DOT1L: variants seen among roughly 807,000 people sequenced by gnomAD.
DOT1L encodes DOT1 like histone lysine methyltransferase.
In DOT1L, 33 loss-of-function variants were observed where a neutral mutation model predicts 153.3. That is an observed-to-expected ratio of 0.22 (90% CI 0.16 to 0.29). DOT1L has a LOEUF of 0.29. DOT1L is among the 10% of genes least tolerant of loss of function. DOT1L has a pLI of 1.00. For synonymous variants in DOT1L, 1,135 were observed against 965.1 expected, an observed-to-expected ratio of 1.18 and a Z score of -3.26; for missense variants, 1,847 against 2,119.9, an observed-to-expected ratio of 0.87 and a Z score of 2.53.
At chr19:2,206,656 C>T (rs1306387138) in intron 9 of DOT1L, 73 bp from the exon 10 acceptor site, 1 of 1,473,732 alleles carries the variant, frequency 6.8e-7, no homozygotes, top group Non-Finnish European at 9.5e-7. Context: ...TGTTCCTTCT[C>T]TGTCACCTTG....
In DOT1L at chr19:2,189,802, G is replaced by A. The variant is rs191141666; in HGVS notation, c.264+7G>A. On this transcript the variant is annotated splice_region_variant and intron_variant, in intron 4 of 27. Transcript: ENST00000398665. ...CGACAGCATCCACCAGCTGGTAGGT[G>A]GCTTGCCCCTGCCCAGAGGGGGTTA... The A allele has an allele frequency of 5.5e-5, 88 of 1,611,842 alleles. No homozygotes were observed. In the East Asian group the frequency reaches 7.4e-4, roughly 13 times the overall value.
chr19:2,212,119 CT>C (rs1408420887), intron 16 of DOT1L: 1 of 389,680 alleles, frequency 2.6e-6, no homozygotes. Flanking sequence ...AACCTTCCCC[CT>C]AGTGCACAGG....
intron 19 of DOT1L, 171 bp downstream of exon 19, chr19:2,214,767 G>A (rs1385389288): frequency 1.3e-5 from 13 of 1,006,026 alleles, no homozygotes; most frequent in Admixed American, 9.1e-5. Flanking sequence ...CAGGCTGCCC[G>A]TGTGGATGAC....
In DOT1L at chr19:2,191,246, T is replaced by C; in HGVS notation, c.493+6T>C. 6.2e-7 allele frequency: 1 copy of C among 1,612,714 alleles called. No individual in the cohort carries two copies. The highest frequency in any genetic ancestry group is 8.5e-7 in the Non-Finnish European group (1 of 1,179,706). On this transcript the variant is annotated splice_donor_region_variant and intron_variant, in intron 5 of 27. Coordinates refer to ENST00000398665, the MANE Select transcript of DOT1L (RefSeq NM_032482.3). This position sits in a 1 kb window ranked among gnomAD's most constrained non-coding sequence, Gnocchi z 6.8. ...GTTTGTGGACTTGGGGAGCGGTGAG[T>C]GTCGCCCGCCATGCCCGGCTCCTGT...
chr19:2,196,223 G>A (rs1256964032), intron 7 of DOT1L, among the ~76,000 whole-genome samples: 2 of 152,254 alleles, frequency 1.3e-5, no homozygotes, highest in Admixed American at 6.5e-5. Flanking sequence ...TGGTGGCCCC[G>A]ACCGGGGTCA....
At chr19:2,169,594 A>G (rs2020051443) in intron 1 of DOT1L, among the ~76,000 whole-genome samples, 1 of 151,988 alleles carries the variant, frequency 6.6e-6, no homozygotes, top group Non-Finnish European at 1.5e-5. Context: ...CCTGGGTTCA[A>G]GTGATTCTCC....
rs1205214708 is a variant in DOT1L at position 2,213,536 on chromosome 19, C to T, written c.1558-3C>T. On this transcript the variant is annotated splice_polypyrimidine_tract_variant and splice_region_variant and intron_variant, in intron 16 of 27. Transcript: ENST00000398665. The stretch of plus-strand genomic sequence containing the variant: ...TTAGTCACCTGCCCTGTTTGTCCTA[C>T]AGGAGAAGAACGCCCAGCTCCTGGG... The T allele has an allele frequency of 1.9e-6, 3 of 1,612,382 alleles. No homozygotes were observed. The highest frequency in any genetic ancestry group is 2.2e-5 in the East Asian group (1 of 44,884).
Position 2,211,751 on chromosome 19 carries a change from A to G in DOT1L, c.1466A>G (p.Glu489Gly). ...PTPPALQKLL[E>G]SFKIQYLQFL... ...ACCTGTGTTCCGCCTCTCTTCCCAGAGTCCTTCAAGATCCAGTACCTGCAG... is the reference window on the plus strand; with the variant it reads ...ACCTGTGTTCCGCCTCTCTTCCCAGGGTCCTTCAAGATCCAGTACCTGCAG... Residue 489 changes from glutamate to glycine, a missense_variant and splice_region_variant, in exon 16 of 28, where the codon GAG becomes GGG. Coordinates refer to ENST00000398665, the MANE Select transcript of DOT1L (RefSeq NM_032482.3). The G allele has an allele frequency of 6.4e-7, 1 of 1,560,918 alleles. No homozygotes were observed. The highest frequency in any genetic ancestry group is 8.7e-7 in the Non-Finnish European group (1 of 1,151,800).
intron 1 of DOT1L, among the ~76,000 whole-genome samples, chr19:2,167,188 T>C (rs922924029): frequency 5.9e-5 from 9 of 152,138 alleles, no homozygotes; most frequent in African/African-American, 2.2e-4. Context: ...TGAAAGTCAG[T>C]GTTCGCGTGG....
chr19:2,229,228 C>T (rs1436961509), intron 27 of DOT1L: 21 of 985,356 alleles, frequency 2.1e-5, no homozygotes, highest in Middle Eastern at 5.2e-4. Context: ...AGACTGTGGC[C>T]GCTGACCCCT....
At position 2,210,761 on chromosome 19, in the gene DOT1L, T is replaced by C; in HGVS notation, c.1257T>C (p.Thr419=). Residue 419 remains threonine (T), a synonymous_variant, in exon 14 of 28, where the codon ACT becomes ACC. Coordinates refer to ENST00000398665, the MANE Select transcript of DOT1L (RefSeq NM_032482.3). ...RKRGRPKKMN[T]ANPERKPKKN... The stretch of plus-strand genomic sequence containing the variant: ...GCGGGCGCCCCAAGAAGATGAACAC[T>C]GCGAACCCCGAGCGGAAGCCCAAGA... 6.2e-7 allele frequency: 1 copy of C among 1,612,988 alleles called. No homozygotes were observed. Among genetic ancestry groups the C allele is most frequent in the African/African-American group, 1.3e-5 (1 of 75,006 alleles).
rs13382139 is a variant in DOT1L at position 2,183,144 on chromosome 19, G to A, written c.125+2388G>A. Reference sequence around the variant, plus strand: ...AGCAAACACCATTCAGTCCCCATACGGCCAGTGTCCCAAGCACGTCCTCCC... The same window carrying A: ...AGCAAACACCATTCAGTCCCCATACAGCCAGTGTCCCAAGCACGTCCTCCC... On this transcript the variant is annotated intron_variant, in intron 2 of 27. Transcript: ENST00000398665. Among the ~76,000 whole-genome samples the A allele has an allele frequency of 6.1e-3, 930 of 152,188 alleles. 10 individuals carry two copies. Among genetic ancestry groups the A allele is most frequent in the African/African-American group, 0.019 (798 of 41,520 alleles).
rs2023401569 is a variant in DOT1L, at chr19:2,204,163, GTGTC to G, written c.787+1388_787+1391del. On this transcript the variant is annotated intron_variant, in intron 9 of 27. Transcript: ENST00000398665. This position sits in a 1 kb window ranked among gnomAD's most constrained non-coding sequence, Gnocchi z 5.7. ...TCTCTGTGTGTGCCCGTGTGCCTGT[GTGTC>G]TGTTAGCGTGTCTCTGTGTGCGTGC... Among the ~76,000 whole-genome samples, 2 of 151,822 alleles carry G rather than the reference GTGTC, an allele frequency of 1.3e-5. No homozygotes were observed. The highest frequency in any genetic ancestry group is 2.1e-4 in the South Asian group (1 of 4,792).
chr19:2,195,226 C>T (rs2022966088), intron 7 of DOT1L, among the ~76,000 whole-genome samples: 1 of 151,992 alleles, frequency 6.6e-6, no homozygotes, highest in African/African-American at 2.4e-5. Context: ...CCATAGCTTC[C>T]AGGAGTAGCC....
chr19:2,206,377 G>A (rs975062481), intron 9 of DOT1L, among the ~76,000 whole-genome samples: 25 of 152,044 alleles, frequency 1.6e-4, no homozygotes, highest in African/African-American at 6.0e-4. Context: ...GGCCAGCAGG[G>A]TGAAACCCGC....
chr19:2,223,537 G>C, intron 25 of DOT1L, 51 bp downstream of exon 25: 2 of 1,049,198 alleles, frequency 1.9e-6, no homozygotes, highest in Admixed American at 2.5e-5. Flanking sequence ...GGGGCAGGAG[G>C]TGCCTGCTCA....
chr19:2,165,367 C>G (rs2019872883), intron 1 of DOT1L, among the ~76,000 whole-genome samples: 1 of 152,154 alleles, frequency 6.6e-6, no homozygotes, highest in Admixed American at 6.5e-5. Flanking sequence ...GGAGCCCGGG[C>G]TGGCTCACTG....
At chr19:2,227,966 C>A in intron 27 of DOT1L, 1 of 1,259,132 alleles carries the variant, frequency 7.9e-7, no homozygotes, top group South Asian at 1.3e-5. Context: ...GCCGGTCCCC[C>A]GCGGGGCCGC....
At chr19:2,228,782 T>C (rs1286502841) in intron 27 of DOT1L, 3 of 985,210 alleles carry the variant, frequency 3.0e-6, no homozygotes, top group Non-Finnish European at 3.6e-6. Flanking sequence ...CGTGGCTTGG[T>C]GCTGTTCCCC....
Sources: gnomAD v4.1 joint callset for allele counts (sites outside exome capture counted in the v4.1 genomes callset) on GRCh38, gnomAD v4.1.1 for gene constraint, Gnocchi (gnomAD v3.1) non-coding constraint, MANE v1.5 for transcripts, NCBI Gene and HGNC (gene_info 2026-07-23, HGNC 2026-07-21) for gene names.